DLX2: variants seen among roughly 807,000 people sequenced by gnomAD.
DLX2 encodes the protein homeobox protein DLX-2.
DLX2 carries 8 observed loss-of-function variants against 27.4 expected under a neutral mutation model. The observed-to-expected ratio is 0.29, with a 90% CI of 0.17 to 0.53. The LOEUF is 0.53. Among genes scored for constraint, DLX2 ranks in the 20% least tolerant of loss-of-function variants. The pLI, the probability that DLX2 is intolerant of heterozygous loss-of-function variation, is 0.96. For synonymous variants in DLX2, 210 were observed against 200.8 expected (o/e 1.05, Z -0.39); for missense variants, 421 against 450.9 (o/e 0.93, Z 0.60).
At position 172,102,140 on chromosome 2, in the gene DLX2, A is replaced by G. The variant is rs1299887938; in HGVS notation, c.399T>C (p.Pro133=). 4.3e-6 allele frequency: 7 copies of G among 1,613,108 alleles called. No individual in the cohort carries two copies. The Admixed American group carries it at 5.0e-5, about 12-fold the overall frequency. ...GTSSSPANNE[P]EKEDLEPEIR... is the part of the protein sequence containing the mutation. The stretch of plus-strand genomic sequence containing the variant: ...TCTTGACTTCAGCGTTATGCATACC[A>G]GGCTCGTTGTTGGCTGGGGACGAAC... Residue 133 remains proline, a splice_region_variant and synonymous_variant, in exon 1 of 3, where the codon CCT becomes CCC. Transcript: ENST00000234198.
intron 1 of DLX2, 143 bp from the exon 2 acceptor site, chr2:172,101,789 G>C: frequency 1.0e-6 from 1 of 989,346 alleles, no homozygotes; most frequent in South Asian, 1.6e-5. Flanking sequence ...GCGCAACTTC[G>C]CAGCGTGCGA....
rs535876691 is a variant in DLX2, at chr2:172,102,419, G to T, written c.120C>A (p.Asn40Lys). 4 of 1,550,386 alleles carry T rather than the reference G, an allele frequency of 2.6e-6. No homozygotes were observed. The highest frequency in any genetic ancestry group is 2.7e-5 in the African/African-American group (2 of 73,044). The change falls in exon 1 of 3, where the codon AAC becomes AAA. Residue 40 changes from asparagine (N) to lysine (K), a missense_variant. Asn to Lys is a moderately conservative substitution (Grantham distance 94). Coordinates refer to ENST00000234198, the MANE Select transcript of DLX2 (RefSeq NM_004405.4). ...TGTGGAGGCTGCTGCTGCTGCTGCT[G>T]TTGCCACCCGGGCCGGCGCCGCCGC... ...PSGGGAGPGG[N>K]SSSSSSLHKP...
rs1324898063 is a variant in DLX2, at chr2:172,101,479, C to T, written c.568G>A (p.Gly190Ser). Reference sequence around the variant, plus strand: ...AGCCCCACCTGAGTCTGGGTGAGGCCCAGAGAGGCCGCCAGCTCGGCTCGC... The same window carrying T: ...AGCCCCACCTGAGTCTGGGTGAGGCTCAGAGAGGCCGCCAGCTCGGCTCGC... ...PERAELAASL[G>S]LTQTQVKIWF... is the part of the protein sequence containing the mutation. The change falls in exon 2 of 3, where the codon GGC becomes AGC. Residue 190 changes from glycine to serine, a missense_variant. Physicochemically the swap from Gly to Ser is moderately conservative, Grantham distance 56 (BLOSUM62 0). Transcript: ENST00000234198. The T allele has an allele frequency of 1.9e-5, 30 of 1,605,926 alleles. No homozygotes were observed. The highest frequency in any genetic ancestry group is 2.3e-5 in the Non-Finnish European group (27 of 1,176,076).
In DLX2 at chr2:172,102,551, C is replaced by T. The variant is rs1212753598; in HGVS notation, c.-13G>A. On this transcript the variant is annotated 5_prime_UTR_variant, in exon 1 of 3. Transcript: ENST00000234198. ...AGACTCCAGTCATCCTGGCCCGAGA[C>T]GGGAAAGAGCAGAGGTGGCGGGCGT... The T allele has an allele frequency of 6.6e-6, 10 of 1,516,754 alleles. No individual in the cohort carries two copies. In the East Asian group the frequency reaches 2.0e-4, roughly 30 times the overall value. The allele number at this position is 1,516,754 out of a possible 1,614,324, so 94.0% of individuals were successfully genotyped here.
rs1473516855 is a variant in DLX2 at position 172,100,890 on chromosome 2, C to G, written c.640G>C (p.Gly214Arg). The change falls in exon 3 of 3, where the codon GGT (glycine) becomes CGT (arginine). Residue 214 changes from glycine (G) to arginine (R), a missense_variant. Transcript: ENST00000234198. The surrounding 1 kb of genome is among the most constrained non-coding windows in gnomAD (Gnocchi z 4.5). ...RSKFKKMWKSGEIPSEQHPGA... is the reference protein window; with the variant it reads ...RSKFKKMWKSREIPSEQHPGA... ...GGGTGCTGCTCCGAGGGGATCTCAC[C>G]ACTTTTCCACATCTTCTTGAACTTG... 1.2e-6 allele frequency: 2 copies of G among 1,612,930 alleles called. No individual in the cohort carries two copies. Among genetic ancestry groups the G allele is most frequent in the African/African-American group, 2.7e-5 (2 of 74,992 alleles).
rs777523240 is a variant in DLX2, at chr2:172,100,859, G to C, written c.671C>G (p.Ala224Gly). The change falls in exon 3 of 3, where the codon GCC (alanine) becomes GGC (glycine). Residue 224 changes from alanine (A) to glycine (G), a missense_variant. Ala to Gly is a moderately conservative substitution (Grantham distance 60). Transcript: ENST00000234198. This position sits in a 1 kb window ranked among gnomAD's most constrained non-coding sequence, Gnocchi z 4.5. ...CGAAGCACAAGGTGGAGAAGCGCTG[G>C]CCCCAGGGTGCTGCTCCGAGGGGAT... ...GEIPSEQHPGASASPPCASPP... is the reference protein window; with the variant it reads ...GEIPSEQHPGGSASPPCASPP... 1.2e-6 allele frequency: 2 copies of C among 1,612,744 alleles called. No homozygotes were observed. The highest frequency in any genetic ancestry group is 3.3e-5 in the Admixed American group (2 of 59,964).
rs1691185651 is a variant in DLX2 at position 172,102,598 on chromosome 2, C to G, written c.-60G>C. ...GCGTGCGGGGGAAGCCAGGCGCCTCCTCTGTCTCTCCCGGTCCCCTCCAGC... is the reference window on the plus strand; with the variant it reads ...GCGTGCGGGGGAAGCCAGGCGCCTCGTCTGTCTCTCCCGGTCCCCTCCAGC... On this transcript the variant is annotated 5_prime_UTR_variant, in exon 1 of 3. Transcript: ENST00000234198. The G allele has an allele frequency of 6.2e-6, 9 of 1,440,820 alleles. No homozygotes were observed. The highest frequency in any genetic ancestry group is 8.3e-6 in the Non-Finnish European group (9 of 1,088,578). 89.3% of individuals were successfully genotyped at this position (1,440,820 alleles called of 1,614,324 possible).
Position 172,102,675 on chromosome 2 carries a change from G to T in DLX2, c.-137C>A. 1.2e-6 allele frequency: 1 copy of T among 849,978 alleles called. No individual in the cohort carries two copies. Among genetic ancestry groups the T allele is most frequent in the Non-Finnish European group, 1.8e-6 (1 of 566,204 alleles). The allele number at this position is 849,978 out of a possible 1,614,324, so 52.7% of individuals were successfully genotyped here. A position where few individuals can be genotyped will look rare whatever the true frequency, so the allele number is the denominator to read the frequency against. ...TGGGGAAACAAGAAAGGAGGCAACC[G>T]TCTAGGCGCCTCCTCCTCCGGGGGA... On this transcript the variant is annotated 5_prime_UTR_variant, in exon 1 of 3. Transcript: ENST00000234198.
In DLX2 at chr2:172,100,158, C is replaced by A. The variant is rs1331358781; in HGVS notation, c.*385G>T. The stretch of plus-strand genomic sequence containing the variant: ...GGGCGAGGAGAAAGAAGCCTCAGAG[C>A]GCCCGGGAAGCCTCGCGCGCCTGGG... On this transcript the variant is annotated 3_prime_UTR_variant, in exon 3 of 3. Coordinates refer to ENST00000234198, the MANE Select transcript of DLX2 (RefSeq NM_004405.4). This position sits in a 1 kb window ranked among gnomAD's most constrained non-coding sequence, Gnocchi z 4.5. 1 of 180,928 alleles carries A rather than the reference C, an allele frequency of 5.5e-6. No individual in the cohort carries two copies. The highest frequency in any genetic ancestry group is 6.3e-5 in the Admixed American group (1 of 15,954). 11.2% of individuals were successfully genotyped at this position (180,928 alleles called of 1,614,324 possible). A position where few individuals can be genotyped will look rare whatever the true frequency, so the allele number is the denominator to read the frequency against.
chr2:172,102,818 G>T lies in DLX2; in HGVS notation c.-280C>A. 1 of 375,878 alleles carries T rather than the reference G, an allele frequency of 2.7e-6. No homozygotes were observed. The highest frequency in any genetic ancestry group is 4.4e-5 in the Admixed American group (1 of 22,768). The allele number at this position is 375,878 out of a possible 1,614,324, so 23.3% of individuals were successfully genotyped here. ...GGGCTCTGGCGGGGGGCGGGCAGTG[G>T]AGGGGGCAGGGGTGGCTGGGCCGGG... On this transcript the variant is annotated 5_prime_UTR_variant, in exon 1 of 3. Coordinates refer to ENST00000234198, the MANE Select transcript of DLX2 (RefSeq NM_004405.4).
chr2:172,099,511 A>G lies in DLX2; in HGVS notation c.*1032T>C, dbSNP rs949569622. ...TCAACATTAAGAGCATGTTGTTTTC[A>G]TAATAAATAACCCCAAAATACCTTT... is the stretch of plus-strand genomic sequence containing the variant. On this transcript the variant is annotated 3_prime_UTR_variant, in exon 3 of 3. Transcript: ENST00000234198. 2 of 152,682 alleles carry G rather than the reference A, an allele frequency of 1.3e-5. No individual in the cohort carries two copies. The highest frequency in any genetic ancestry group is 2.9e-5 in the Non-Finnish European group (2 of 68,044). 9.5% of individuals were successfully genotyped at this position (152,682 alleles called of 1,614,324 possible). A position where few individuals can be genotyped will look rare whatever the true frequency, so the allele number is the denominator to read the frequency against.
intron 2 of DLX2, 98 bp downstream of exon 2, chr2:172,101,364 A>T: frequency 7.7e-7 from 1 of 1,294,020 alleles, no homozygotes; most frequent in Non-Finnish European, 1.1e-6. Flanking sequence ...CCTTAAAAGT[A>T]CTTAAAATGA....
Position 172,100,225 on chromosome 2 carries a change from G to A in DLX2, c.*318C>T, listed in dbSNP as rs1264698911. 3.0e-5 allele frequency: 9 copies of A among 297,268 alleles called. No individual in the cohort carries two copies. Among genetic ancestry groups the A allele is most frequent in the Non-Finnish European group, 5.5e-5 (9 of 162,208 alleles). 18.4% of individuals were successfully genotyped at this position (297,268 alleles called of 1,614,324 possible). ...GGACCCAGCTCTCAGCCCGGGGCGA[G>A]GAAGGCGCCAGACAGGCTCACCCGG... On this transcript the variant is annotated 3_prime_UTR_variant, in exon 3 of 3. Transcript: ENST00000234198. This position sits in a 1 kb window ranked among gnomAD's most constrained non-coding sequence, Gnocchi z 4.5.
chr2:172,101,126 G>C, intron 2 of DLX2, 182 bp from the exon 3 acceptor site: 1 of 676,412 alleles, frequency 1.5e-6, no homozygotes, highest in African/African-American at 1.8e-5. Flanking sequence ...TGCTCCCTGG[G>C]GAGGTAATTG....
chr2:172,102,881 G>A lies in DLX2; in HGVS notation c.-343C>T, dbSNP rs1431734189. 1 of 295,310 alleles carries A rather than the reference G, an allele frequency of 3.4e-6. No individual in the cohort carries two copies. The highest frequency in any genetic ancestry group is 6.2e-6 in the Non-Finnish European group (1 of 160,982). 18.3% of individuals were successfully genotyped at this position (295,310 alleles called of 1,614,324 possible). On this transcript the variant is annotated 5_prime_UTR_variant, in exon 1 of 3. Transcript: ENST00000234198. ...GAGGCGGGAGCAGGTGAGCGGCCCCGAGCGGCTTTACGATTGTCTGCCAGG... is the reference window on the plus strand; with the variant it reads ...GAGGCGGGAGCAGGTGAGCGGCCCCAAGCGGCTTTACGATTGTCTGCCAGG...
In DLX2 at chr2:172,101,498, G is replaced by T; in HGVS notation, c.549C>A (p.Ala183=). 6.2e-7 allele frequency: 1 copy of T among 1,611,298 alleles called. No individual in the cohort carries two copies. The highest frequency in any genetic ancestry group is 8.5e-7 in the Non-Finnish European group (1 of 1,178,632). Residue 183 remains alanine (A), a synonymous_variant, in exon 2 of 3, where the codon GCC becomes GCA. Coordinates refer to ENST00000234198, the MANE Select transcript of DLX2 (RefSeq NM_004405.4). ...TGAGGCCCAGAGAGGCCGCCAGCTC[G>T]GCTCGCTCCGGCAAGGCCAAGTATT... ...KTQYLALPER[A]ELAASLGLTQ... is the part of the protein sequence containing the mutation.
In DLX2 at chr2:172,102,707, C is replaced by T. The variant is rs1052652662; in HGVS notation, c.-169G>A. ...CGCCTCCTCCTCCGGGGGAGGCGAT[C>T]ACCGTGCGCTGCTCGGGACAGCTGC... On this transcript the variant is annotated 5_prime_UTR_variant, in exon 1 of 3. An upstream open reading frame in the 5' UTR loses its in-frame stop. Transcript: ENST00000234198. 3.1e-6 allele frequency: 2 copies of T among 643,578 alleles called. No individual in the cohort carries two copies. The highest frequency in any genetic ancestry group is 2.6e-6 in the Non-Finnish European group (1 of 386,876). The allele number at this position is 643,578 out of a possible 1,614,324, so 39.9% of individuals were successfully genotyped here.
In DLX2 at chr2:172,100,043, C is replaced by A. The variant is rs1017415082; in HGVS notation, c.*500G>T. On this transcript the variant is annotated 3_prime_UTR_variant, in exon 3 of 3. Coordinates refer to ENST00000234198, the MANE Select transcript of DLX2 (RefSeq NM_004405.4). The surrounding 1 kb of genome is among the most constrained non-coding windows in gnomAD (Gnocchi z 4.5). ...TGCAGGAAGGAAAGAAGCGGCGGGG[C>A]CGCCCGGGTCAAGGGGCCACGTGGG... 15 of 152,282 alleles carry A rather than the reference C, an allele frequency of 9.9e-5. No individual in the cohort carries two copies. The highest frequency in any genetic ancestry group is 3.1e-4 in the African/African-American group (13 of 41,436). 9.4% of individuals were successfully genotyped at this position (152,282 alleles called of 1,614,324 possible). A position where few individuals can be genotyped will look rare whatever the true frequency, so the allele number is the denominator to read the frequency against.
At position 172,101,119 on chromosome 2, in the gene DLX2, T is replaced by C. The variant is rs1691149058; in HGVS notation, c.586-175A>G. The C allele has an allele frequency of 1.6e-5, 11 of 695,164 alleles. No individual in the cohort carries two copies. In the African/African-American group the frequency reaches 1.6e-4, roughly 10 times the overall value. The allele number at this position is 695,164 out of a possible 1,614,324, so 43.1% of individuals were successfully genotyped here. A position where few individuals can be genotyped will look rare whatever the true frequency, so the allele number is the denominator to read the frequency against. On this transcript the variant is annotated intron_variant, in intron 2 of 2. Transcript: ENST00000234198. ...CCTTCGAGGCTCTGCCGGTTCCTGC[T>C]CCCTGGGGAGGTAATTGCCAAAAGG...
Sources: allele counts gnomAD v4.1 joint callset, GRCh38; gene constraint gnomAD v4.1.1; non-coding constraint Gnocchi (gnomAD v3.1); transcripts MANE v1.5; gene names NCBI Gene and HGNC (gene_info 2026-07-23, HGNC 2026-07-21).